The following ATE1 variants were observed in gnomAD, a reference collection of about 807,000 sequenced individuals.
The protein encoded by ATE1 is arginyl-tRNA--protein transferase 1.
A neutral mutation model predicts 70.5 loss-of-function variants in ATE1; 36 were observed. The ratio of observed to expected loss-of-function variants is 0.51; its 90% CI spans 0.39 to 0.67. The LOEUF is 0.67. Among genes scored for constraint, ATE1 ranks in the 30% least tolerant of loss-of-function variants. The pLI is 0.00. For synonymous variants in ATE1, 232 were observed against 219.3 expected (o/e 1.06, Z -0.51); for missense variants, 593 against 629.5 (o/e 0.94, Z 0.62).
chr10:121,798,310 G>T (rs1946738405), intron 10 of ATE1, among the ~76,000 whole-genome samples: 1 of 152,142 alleles, frequency 6.6e-6, no homozygotes, highest in Non-Finnish European at 1.5e-5. Flanking sequence ...TACTCAAGAA[G>T]GTTAGAAACT....
intron 1 of ATE1, among the ~76,000 whole-genome samples, chr10:121,925,882 C>T (rs1161616168): frequency 1.5e-5 from 1 of 66,026 alleles, no homozygotes; most frequent in African/African-American, 4.9e-5. Flanking sequence ...AGCAAGACTG[C>T]CTCTTAAAAA....
intron 10 of ATE1, among the ~76,000 whole-genome samples, chr10:121,802,031 A>C (rs1946902467): frequency 6.6e-6 from 1 of 152,110 alleles, no homozygotes; most frequent in African/African-American, 2.4e-5. Flanking sequence ...CTCTTAAATG[A>C]GTCTGGATAT....
At chr10:121,794,173 A>C (rs1331228181) in intron 10 of ATE1, among the ~76,000 whole-genome samples, 1 of 152,182 alleles carries the variant, frequency 6.6e-6, no homozygotes, top group Non-Finnish European at 1.5e-5. Flanking sequence ...CTTATCAAGT[A>C]CCAGTACCAC....
intron 7 of ATE1, among the ~76,000 whole-genome samples, chr10:121,885,486 C>T (rs187988077): frequency 0.017 from 2,304 of 134,582 alleles, 38 homozygotes; most frequent in Middle Eastern, 0.049. Context: ...AGGAGAATAG[C>T]ATAAACCTGG....
At chr10:121,861,732 T>G (rs1243926020) in intron 8 of ATE1, among the ~76,000 whole-genome samples, 1 of 122,702 alleles carries the variant, frequency 8.1e-6, no homozygotes, top group African/African-American at 3.2e-5. Context: ...ACATGTACCC[T>G]AAAACTTAAA....
In ATE1 at chr10:121,902,670, GT is replaced by G. The variant is rs1951028820; in HGVS notation, c.584-51del. On this transcript the variant is annotated intron_variant, in intron 5 of 11. Coordinates refer to ENST00000224652, the MANE Select transcript of ATE1 (RefSeq NM_001001976.3). The stretch of plus-strand genomic sequence containing the variant: ...ACCAATCACATTTGGTTCTAGAAAA[GT>G]TTTTTCACATGTCTCAAAGATTCTA... 3 of 1,514,622 alleles carry G rather than the reference GT, an allele frequency of 2.0e-6. No individual in the cohort carries two copies. The African/African-American group carries it at 4.2e-5, about 21-fold the overall frequency. 93.8% of individuals were successfully genotyped at this position (1,514,622 alleles called of 1,614,324 possible).
chr10:121,805,842 A>T (rs1947074937), intron 10 of ATE1, among the ~76,000 whole-genome samples: 2 of 152,226 alleles, frequency 1.3e-5, no homozygotes, highest in Non-Finnish European at 2.9e-5. Flanking sequence ...GCAGACCACT[A>T]TATGACTATT....
intron 10 of ATE1, among the ~76,000 whole-genome samples, chr10:121,805,591 A>AGTTAAG (rs780995272): frequency 2.0e-4 from 30 of 152,244 alleles, no homozygotes; most frequent in Non-Finnish European, 7.3e-5. Flanking sequence ...ACTCTGCTAA[A>AGTTAAG]ATGGTACTAA....
chr10:121,816,655 A>G (rs1010645516), intron 10 of ATE1, among the ~76,000 whole-genome samples: 49 of 152,346 alleles, frequency 3.2e-4, no homozygotes, highest in African/African-American at 1.2e-3. Context: ...CTCAGAAACC[A>G]CTGGCACCTT....
In ATE1 at chr10:121,890,352, T is replaced by C. The variant is rs546938954; in HGVS notation, c.942+9514A>G. On this transcript the variant is annotated intron_variant, in intron 7 of 11. Transcript: ENST00000224652. ...TTATACCACGTCTTGTAGAAGCACA[T>C]CTCATTGTTTGAACATGTATGCTAA... 3.9e-5 allele frequency among the ~76,000 whole-genome samples: 6 copies of C among 152,310 alleles called. No homozygotes were observed. In the South Asian group the frequency reaches 1.2e-3, roughly 32 times the overall value.
chr10:121,808,826 C>T (rs1182749234), intron 10 of ATE1, among the ~76,000 whole-genome samples: 2 of 152,304 alleles, frequency 1.3e-5, no homozygotes, highest in South Asian at 2.1e-4. Flanking sequence ...ACACCAAAAT[C>T]GCACTAGCAG....
At chr10:121,917,235 C>T (rs1026199325) in intron 3 of ATE1, among the ~76,000 whole-genome samples, 6 of 152,046 alleles carry the variant, frequency 3.9e-5, no homozygotes, top group African/African-American at 1.4e-4. Flanking sequence ...TCAAGCCGGT[C>T]AGAAGGCTCC....
chr10:121,922,638 T>C (rs555407510), intron 2 of ATE1, among the ~76,000 whole-genome samples: 1 of 152,180 alleles, frequency 6.6e-6, no homozygotes, highest in East Asian at 1.9e-4. Flanking sequence ...CCACGGCCAA[T>C]CATCTCAGTT....
At chr10:121,903,807 A>G (rs1030315902) in intron 5 of ATE1, among the ~76,000 whole-genome samples, 1 of 152,168 alleles carries the variant, frequency 6.6e-6, no homozygotes, top group Non-Finnish European at 1.5e-5. Context: ...TAATTAACAG[A>G]CCAAATATCA....
intron 8 of ATE1, among the ~76,000 whole-genome samples, chr10:121,857,519 A>G (rs1949291900): frequency 6.6e-6 from 1 of 152,192 alleles, no homozygotes. Flanking sequence ...TTGATGGGCT[A>G]GTTCAGCCAC....
At chr10:121,837,955 A>G (rs1948489608) in intron 9 of ATE1, among the ~76,000 whole-genome samples, 1 of 152,056 alleles carries the variant, frequency 6.6e-6, no homozygotes, top group East Asian at 1.9e-4. Flanking sequence ...TTCTGGCCCC[A>G]AACCTTGGAG....
intron 4 of ATE1, among the ~76,000 whole-genome samples, chr10:121,911,998 G>A (rs542408193): frequency 3.3e-5 from 5 of 152,000 alleles, no homozygotes; most frequent in South Asian, 2.1e-4. Context: ...CACCTGCCTC[G>A]GCCTCCCAAA....
At chr10:121,857,856 C>A (rs1949304667) in intron 8 of ATE1, among the ~76,000 whole-genome samples, 1 of 152,188 alleles carries the variant, frequency 6.6e-6, no homozygotes, top group Non-Finnish European at 1.5e-5. Flanking sequence ...ATTCTCTCCT[C>A]TCCGCTGCCC....
At chr10:121,779,175 TC>T (rs1945875765) in intron 11 of ATE1, among the ~76,000 whole-genome samples, 1 of 152,190 alleles carries the variant, frequency 6.6e-6, no homozygotes, top group Non-Finnish European at 1.5e-5. Flanking sequence ...TTCAGTTCCT[TC>T]CTAACTGAAT....
Sources: gnomAD v4.1 joint callset for allele counts (sites outside exome capture counted in the v4.1 genomes callset) on GRCh38, gnomAD v4.1.1 for gene constraint, MANE v1.5 for transcripts, NCBI Gene and HGNC (gene_info 2026-07-23, HGNC 2026-07-21) for gene names.